LRP5: variants seen among roughly 807,000 people sequenced by gnomAD.
LRP5 encodes the protein LDL receptor related protein 5, also known as low-density lipoprotein receptor-related protein 5.
LRP5 carries 62 observed loss-of-function variants against 154.1 expected under a neutral mutation model. That is an observed-to-expected ratio of 0.40 (90% confidence interval 0.33 to 0.50). The LOEUF is 0.50. Among genes scored for constraint, LRP5 ranks in the 20% least tolerant of loss-of-function variants. The pLI, the probability that LRP5 is intolerant of heterozygous loss-of-function variation, is 0.55. For synonymous variants in LRP5, 966 were observed against 1,011.5 expected, an observed-to-expected ratio of 0.96 and a Z score of 0.85; for missense variants, 1,915 against 2,336.7, an observed-to-expected ratio of 0.82 and a Z score of 3.72.
intron 13 of LRP5, among the ~76,000 whole-genome samples, chr11:68,420,089 C>A (rs1021530920): frequency 2.0e-5 from 3 of 152,242 alleles, no homozygotes; most frequent in African/African-American, 7.2e-5. Flanking sequence ...GCACCCAGCC[C>A]ATTTTACCTA....
chr11:68,331,857 G>T (rs2098603006), intron 1 of LRP5, among the ~76,000 whole-genome samples: 1 of 152,136 alleles, frequency 6.6e-6, no homozygotes, highest in Admixed American at 6.5e-5. Flanking sequence ...TGGCTGAGCT[G>T]AGAGGCCAAG....
chr11:68,341,050 G>T (rs2098608702), intron 1 of LRP5, among the ~76,000 whole-genome samples: 1 of 70,398 alleles, frequency 1.4e-5, no homozygotes, highest in African/African-American at 6.5e-5. Flanking sequence ...CCTGCCGCTG[G>T]AGATTGTTCT....
intron 5 of LRP5, among the ~76,000 whole-genome samples, chr11:68,377,970 T>C (rs1048578427): frequency 6.6e-6 from 1 of 152,038 alleles, no homozygotes; most frequent in African/African-American, 2.4e-5. Context: ...AGGCCTGCGG[T>C]GGGAGCCTCC....
At chr11:68,388,090 C>G (rs1260580382) in intron 6 of LRP5, among the ~76,000 whole-genome samples, 1 of 151,894 alleles carries the variant, frequency 6.6e-6, no homozygotes, top group Non-Finnish European at 1.5e-5. Context: ...GGGCGGGGCT[C>G]GAGCAGCCAT....
intron 5 of LRP5, among the ~76,000 whole-genome samples, chr11:68,378,354 GC>G (rs904389842): frequency 1.3e-5 from 2 of 151,952 alleles, no homozygotes; most frequent in Admixed American, 6.6e-5. Context: ...GGCTTCTTTC[GC>G]CCCATCCCTC....
In LRP5 at chr11:68,439,870, CCTCGTCCAGCAG is replaced by C. The variant is rs774251511; in HGVS notation, c.4454_4465del (p.Ser1485_Ser1488del). On this transcript the variant is annotated inframe_deletion, in exon 21 of 23. Transcript: ENST00000294304. ...TACGACCGGAACCACGTCACAGGGG[CCTCGTCCAGCAG>C]CTCGTCCAGCACGAAGGCCACGCTG... 73 of 1,598,858 alleles carry C rather than the reference CCTCGTCCAGCAG, an allele frequency of 4.6e-5. No individual in the cohort carries two copies. Among genetic ancestry groups the C allele is most frequent in the Middle Eastern group, 1.7e-4 (1 of 6,024 alleles).
Position 68,403,906 on chromosome 11 carries a change from G to A in LRP5, c.1801+207G>A, listed in dbSNP as rs78723583. 778 of 615,856 alleles carry A rather than the reference G, an allele frequency of 1.3e-3. 12 individuals carry two copies. The East Asian group carries it at 0.02, about 16-fold the overall frequency. 38.1% of individuals were successfully genotyped at this position (615,856 alleles called of 1,614,324 possible). A position where few individuals can be genotyped will look rare whatever the true frequency, so the allele number is the denominator to read the frequency against. On this transcript the variant is annotated intron_variant, in intron 8 of 22. Coordinates refer to ENST00000294304, the MANE Select transcript of LRP5 (RefSeq NM_002335.4). ...GGAGTGGTTATGGACTAGGAATGTCGGTAACAATGGTTAGAAAGTGACTAA... is the reference window on the plus strand; with the variant it reads ...GGAGTGGTTATGGACTAGGAATGTCAGTAACAATGGTTAGAAAGTGACTAA...
chr11:68,391,742 T>C lies in LRP5; in HGVS notation c.1584+1690T>C, dbSNP rs571603896. 1.1e-4 allele frequency among the ~76,000 whole-genome samples: 16 copies of C among 152,356 alleles called. No homozygotes were observed. The South Asian group carries it at 3.3e-3, about 32-fold the overall frequency. On this transcript the variant is annotated intron_variant, in intron 7 of 22. Coordinates refer to ENST00000294304, the MANE Select transcript of LRP5 (RefSeq NM_002335.4). ...GCCCATGTTTGCGGGCCGCTGAGGA[T>C]GATTTGCCTTCACGCATCCCCGCTA...
chr11:68,361,108 A>T (rs1438997621), intron 3 of LRP5, among the ~76,000 whole-genome samples: 7 of 149,884 alleles, frequency 4.7e-5, no homozygotes, highest in Non-Finnish European at 8.9e-5. Flanking sequence ...GATTGAGATC[A>T]TCCTGGCTAA....
chr11:68,399,239 C>T (rs2153160613), intron 7 of LRP5, among the ~76,000 whole-genome samples: 1 of 151,944 alleles, frequency 6.6e-6, no homozygotes, highest in East Asian at 1.9e-4. Flanking sequence ...GGTGTGGTGG[C>T]TCACGCCTGT....
upstream of LRP5, among the ~76,000 whole-genome samples, chr11:68,309,950 T>C (rs2098586774): frequency 6.6e-6 from 1 of 152,214 alleles, no homozygotes; most frequent in South Asian, 2.1e-4. Context: ...TCACTGTATT[T>C]GTTCATCCAA....
rs1192683126 is a variant in LRP5, at chr11:68,436,908, G to A, written c.4020G>A (p.Gln1340=). The part of the protein sequence containing the change: ...ADCDAICLPN[Q]FRCASGQCVL... Reference sequence around the variant, plus strand: ...TTGCAGCCATCTGCCTGCCCAACCAGTTCCGGTGTGCGAGCGGCCAGTGTG... The same window carrying A: ...TTGCAGCCATCTGCCTGCCCAACCAATTCCGGTGTGCGAGCGGCCAGTGTG... The change falls in exon 19 of 23, where the codon CAG becomes CAA. Residue 1340 remains glutamine, a synonymous_variant. Transcript: ENST00000294304. 1.2e-6 allele frequency: 2 copies of A among 1,613,744 alleles called. No individual in the cohort carries two copies. Among genetic ancestry groups the A allele is most frequent in the African/African-American group, 2.7e-5 (2 of 74,956 alleles).
intron 21 of LRP5, chr11:68,445,506 C>A: frequency 3.3e-6 from 3 of 905,938 alleles, no homozygotes; most frequent in Non-Finnish European, 4.7e-6. Flanking sequence ...CTTGTACCAC[C>A]CTAGGGGGCC....
intron 1 of LRP5, among the ~76,000 whole-genome samples, chr11:68,331,433 C>G (rs564984329): frequency 1.3e-5 from 2 of 152,204 alleles, no homozygotes; most frequent in South Asian, 4.1e-4. Context: ...GCTGCCTCCC[C>G]GCCTGCCCCA....
chr11:68,349,114 C>T (rs1027908198), intron 2 of LRP5, among the ~76,000 whole-genome samples: 14 of 149,314 alleles, frequency 9.4e-5, no homozygotes, highest in Admixed American at 2.7e-4. Context: ...CTCACTGCAA[C>T]CTTCGCCTCC....
At chr11:68,328,172 TC>T (rs2098600747) in intron 1 of LRP5, among the ~76,000 whole-genome samples, 1 of 152,194 alleles carries the variant, frequency 6.6e-6, no homozygotes, top group South Asian at 2.1e-4. Flanking sequence ...CGAGGTGGCA[TC>T]TTTTGTTTGG....
At chr11:68,336,477 TA>T (rs2098605767) in intron 1 of LRP5, among the ~76,000 whole-genome samples, 1 of 152,174 alleles carries the variant, frequency 6.6e-6, no homozygotes, top group South Asian at 2.1e-4. Flanking sequence ...TATTTTATTT[TA>T]TTTTTTTGAG....
chr11:68,340,217 G>A (rs975749924), intron 1 of LRP5, among the ~76,000 whole-genome samples: 3 of 152,104 alleles, frequency 2.0e-5, no homozygotes, highest in Non-Finnish European at 4.4e-5. Flanking sequence ...TCCAGCCTGG[G>A]CAACTAGAGT....
chr11:68,373,310 CA>C (rs1327796876), intron 5 of LRP5, among the ~76,000 whole-genome samples: 2 of 152,166 alleles, frequency 1.3e-5, no homozygotes, highest in Non-Finnish European at 2.9e-5. Flanking sequence ...AGGGTGGTCA[CA>C]CCGGGACCCC....
Sources: gnomAD v4.1 joint callset for allele counts (sites outside exome capture counted in the v4.1 genomes callset) on GRCh38, gnomAD v4.1.1 for gene constraint, MANE v1.5 for transcripts, NCBI Gene and HGNC (gene_info 2026-07-23, HGNC 2026-07-21) for gene names.